The following TUSC3 variants were observed in gnomAD, a reference collection of about 807,000 sequenced individuals.
TUSC3 encodes dolichyl-diphosphooligosaccharide--protein glycosyltransferase subunit TUSC3.
In TUSC3, 45 loss-of-function variants were observed where a neutral mutation model predicts 44.8. That is an observed-to-expected ratio of 1.00 (90% CI 0.79 to 1.29). The LOEUF (loss-of-function observed/expected upper bound fraction) is 1.29. Ranked by LOEUF, TUSC3 falls within the 50% of genes most tolerant of loss-of-function variation. TUSC3 has a pLI of 0.00. For missense variants in TUSC3, 519 were observed against 437.9 expected (o/e 1.19, Z -1.65); for synonymous variants, 212 against 152.9 (o/e 1.39, Z -2.85).
intron 1 of TUSC3, among the ~76,000 whole-genome samples, chr8:15,603,377 G>A (rs897104279): frequency 6.6e-6 from 1 of 151,608 alleles, no homozygotes; most frequent in Non-Finnish European, 1.5e-5. Flanking sequence ...GTGTTGATAA[G>A]TATGTGGGAA....
intron 6 of TUSC3, among the ~76,000 whole-genome samples, chr8:15,688,723 T>C (rs543389392): frequency 2.0e-5 from 3 of 152,226 alleles, no homozygotes; most frequent in South Asian, 2.1e-4. Context: ...ATTTCCTCCT[T>C]CTCCTCTCCT....
At chr8:15,596,514 G>T (rs1387520591) in intron 1 of TUSC3, among the ~76,000 whole-genome samples, 1 of 152,096 alleles carries the variant, frequency 6.6e-6, no homozygotes, top group Non-Finnish European at 1.5e-5. Flanking sequence ...GCGGATTTTG[G>T]CGTGTGGGGT....
the TUSC3 span, among the ~76,000 whole-genome samples, chr8:15,822,005 G>A: frequency 6.6e-6 from 1 of 152,248 alleles, no homozygotes; most frequent in South Asian, 2.1e-4. Flanking sequence ...AAGGCTGGTA[G>A]CACTGCGAGT....
chr8:15,516,400 T>G (rs1361203595), intron 2 of TUSC3, among the ~76,000 whole-genome samples: 2 of 152,218 alleles, frequency 1.3e-5, no homozygotes, highest in Non-Finnish European at 2.9e-5. Flanking sequence ...TTTGATTACT[T>G]CAGGGCGTTA....
intron 6 of TUSC3, among the ~76,000 whole-genome samples, chr8:15,707,962 C>G (rs917720832): frequency 1.3e-5 from 2 of 151,790 alleles, no homozygotes; most frequent in Non-Finnish European, 2.9e-5. Context: ...AATAGATGCC[C>G]CACTCCAGTC....
At chr8:15,617,120 A>ATGTATGTGTGTG (rs1805021332) in intron 1 of TUSC3, among the ~76,000 whole-genome samples, 2 of 123,720 alleles carry the variant, frequency 1.6e-5, no homozygotes, top group Non-Finnish European at 1.6e-5. Flanking sequence ...TATCTGTAAA[A>ATGTATGTGTGTG]TGTGTGTGTG....
rs957934710 is a variant in TUSC3, at chr8:15,556,008, AT to A, written c.138+15450del. 6.1e-4 allele frequency among the ~76,000 whole-genome samples: 91 copies of A among 148,454 alleles called. 3 individuals are homozygous for A. Among genetic ancestry groups the A allele is most frequent in the Middle Eastern group, 7.1e-3 (2 of 282 alleles). On this transcript the variant is annotated intron_variant, in intron 1 of 10. Coordinates refer to ENST00000503731, the MANE Select transcript of TUSC3 (RefSeq NM_006765.4). Reference sequence around the variant, plus strand: ...TTTATTTTTTATTTTTTTATTTTTTATTTTTTTTTTATTATACTTTAAGTTT... The same window carrying A: ...TTTATTTTTTATTTTTTTATTTTTTATTTTTTTTTATTATACTTTAAGTTT...
chr8:15,622,103 C>T (rs897474657), intron 1 of TUSC3, among the ~76,000 whole-genome samples: 2 of 152,088 alleles, frequency 1.3e-5, no homozygotes, highest in African/African-American at 4.8e-5. Context: ...ACTTTTCTCT[C>T]TGATTTCTAG....
At chr8:15,803,846 A>G in the TUSC3 span, among the ~76,000 whole-genome samples, 1 of 152,164 alleles carries the variant, frequency 6.6e-6, no homozygotes, top group African/African-American at 2.4e-5. Flanking sequence ...GATGGTTTCC[A>G]GCTTCATCCA....
chr8:15,623,440 A>G (rs1479821351), intron 2 of TUSC3, among the ~76,000 whole-genome samples, 191 bp downstream of exon 2: 1 of 152,154 alleles, frequency 6.6e-6, no homozygotes, highest in Non-Finnish European at 1.5e-5. Context: ...TATTGGGGGC[A>G]TGTAAAATAT....
intron 2 of TUSC3, among the ~76,000 whole-genome samples, chr8:15,504,502 T>C (rs1008841771): frequency 2.0e-5 from 3 of 147,870 alleles, no homozygotes; most frequent in African/African-American, 7.4e-5. Context: ...GCCATATTAG[T>C]TATTGCCCTT....
At chr8:15,820,204 C>T in the TUSC3 span, among the ~76,000 whole-genome samples, 1 of 151,782 alleles carries the variant, frequency 6.6e-6, no homozygotes, top group Non-Finnish European at 1.5e-5. Context: ...TTAAACACTA[C>T]TTATTCATAA....
chr8:15,436,062 C>T (rs866089589), intron 1 of TUSC3, among the ~76,000 whole-genome samples: 7 of 152,214 alleles, frequency 4.6e-5, no homozygotes, highest in Middle Eastern at 3.4e-3. Flanking sequence ...TTTTCAAGAT[C>T]GCTCATTCAC....
the TUSC3 span, among the ~76,000 whole-genome samples, chr8:15,825,751 C>G: frequency 1.3e-5 from 2 of 149,070 alleles, no homozygotes; most frequent in African/African-American, 2.5e-5. Flanking sequence ...CAGAGATTAC[C>G]TCCTATGCAT....
chr8:15,801,563 T>C, the TUSC3 span, among the ~76,000 whole-genome samples: 1 of 152,194 alleles, frequency 6.6e-6, no homozygotes, highest in Non-Finnish European at 1.5e-5. Flanking sequence ...TTGTGTTTTT[T>C]CGTAAATGTG....
the TUSC3 span, among the ~76,000 whole-genome samples, chr8:15,818,743 G>C: frequency 1.3e-5 from 2 of 152,334 alleles, no homozygotes; most frequent in African/African-American, 2.4e-5. Flanking sequence ...ATTCTTTTAA[G>C]AACTAAATAC....
At chr8:15,619,040 C>T (rs1198763701) in intron 1 of TUSC3, among the ~76,000 whole-genome samples, 1 of 152,154 alleles carries the variant, frequency 6.6e-6, no homozygotes, top group African/African-American at 2.4e-5. Context: ...CTTCCATTAC[C>T]TTATATGCTG....
At chr8:15,656,190 C>G (rs554756968) in intron 3 of TUSC3, among the ~76,000 whole-genome samples, 1 of 152,060 alleles carries the variant, frequency 6.6e-6, no homozygotes, top group Non-Finnish European at 1.5e-5. Context: ...CTTTCTCACA[C>G]TCAGAATACA....
At chr8:15,750,986 C>A (rs1003964122) in intron 9 of TUSC3, among the ~76,000 whole-genome samples, 1 of 152,080 alleles carries the variant, frequency 6.6e-6, no homozygotes, top group African/African-American at 2.4e-5. Flanking sequence ...ATCAAAGAAG[C>A]TTGGGACACC....
Sources: gnomAD v4.1 joint callset for allele counts (sites outside exome capture counted in the v4.1 genomes callset) on GRCh38, gnomAD v4.1.1 for gene constraint, MANE v1.5 for transcripts, NCBI Gene and HGNC (gene_info 2026-07-23, HGNC 2026-07-21) for gene names.